Variants in GLIS3 observed in about 807,000 individuals in gnomAD.
GLIS3 encodes GLIS family zinc finger 3, also known as zinc finger protein GLIS3.
A neutral mutation model predicts 78.6 loss-of-function variants in GLIS3; 53 were observed. The ratio of observed to expected loss-of-function variants is 0.67; its 90% CI spans 0.54 to 0.85. The LOEUF (loss-of-function observed/expected upper bound fraction) is 0.85, where lower values mean the gene tolerates loss of function less well. Among genes scored for constraint, GLIS3 ranks in the 40% least tolerant of loss-of-function variants. The probability of loss-of-function intolerance (pLI) is 0.00; values close to 1 mark genes in which losing one functional copy is unlikely to be tolerated. For missense variants in GLIS3, 1,703 were observed against 1,231.1 expected (o/e 1.38, Z -5.74); for synonymous variants, 684 against 509.9 (o/e 1.34, Z -4.60).
chr9:4,122,900 A>G (rs1033832843), intron 3 of GLIS3, among the ~76,000 whole-genome samples: 3 of 152,110 alleles, frequency 2.0e-5, no homozygotes, highest in Non-Finnish European at 4.4e-5. Context: ...ATCGAGAATG[A>G]CTCCTGGATC....
At chr9:4,371,301 T>G in the GLIS3 span, among the ~76,000 whole-genome samples, 13 of 152,148 alleles carry the variant, frequency 8.5e-5, no homozygotes, top group East Asian at 2.5e-3. Context: ...TGTAGGGAAA[T>G]AGGCATGGCT....
intron 4 of GLIS3, among the ~76,000 whole-genome samples, chr9:4,100,415 G>C (rs954328264): frequency 5.9e-5 from 9 of 152,140 alleles, no homozygotes; most frequent in Non-Finnish European, 5.9e-5. Context: ...TAGGATAAAA[G>C]ACACCTGGAT....
chr9:4,385,844 G>A, the GLIS3 span, among the ~76,000 whole-genome samples: 3 of 151,678 alleles, frequency 2.0e-5, 1 homozygote, highest in Admixed American at 6.6e-5. Context: ...AAAAAATGCC[G>A]TTCTTTTTCC....
chr9:4,110,926 T>C (rs1439637916), intron 4 of GLIS3, among the ~76,000 whole-genome samples: 1 of 152,222 alleles, frequency 6.6e-6, no homozygotes, highest in Non-Finnish European at 1.5e-5. Flanking sequence ...TCTTTCACTC[T>C]ACACATTCAA....
At chr9:4,266,788 A>G (rs754362725) in intron 2 of GLIS3, among the ~76,000 whole-genome samples, 2 of 152,240 alleles carry the variant, frequency 1.3e-5, no homozygotes, top group Non-Finnish European at 2.9e-5. Context: ...CAAACTATGC[A>G]TCTGCATTCA....
chr9:4,398,243 A>G, the GLIS3 span, among the ~76,000 whole-genome samples: 1 of 152,000 alleles, frequency 6.6e-6, no homozygotes, highest in Non-Finnish European at 1.5e-5. Flanking sequence ...ATTACACAAT[A>G]AGAAGTAGCA....
In GLIS3 at chr9:3,935,503, C is replaced by A. The variant is rs560537717; in HGVS notation, c.1872+1525G>T. On this transcript the variant is annotated intron_variant, in intron 5 of 10. Coordinates refer to ENST00000381971, the MANE Select transcript of GLIS3 (RefSeq NM_001042413.2). ...TAGCTTGATTAGCTAAAATTAGCTC[C>A]AAGCAAAGGAGGGCAGTGCGAAACC... Among the ~76,000 whole-genome samples, 3 of 152,168 alleles carry A rather than the reference C, an allele frequency of 2.0e-5. No homozygotes were observed. The East Asian group carries it at 5.8e-4, about 29-fold the overall frequency.
At chr9:4,479,002 C>G in the GLIS3 span, among the ~76,000 whole-genome samples, 1 of 152,144 alleles carries the variant, frequency 6.6e-6, no homozygotes, top group Non-Finnish European at 1.5e-5. Context: ...AGGAATTAGC[C>G]AAATCCAGAA....
At chr9:4,218,500 G>C (rs1286926729) in intron 2 of GLIS3, among the ~76,000 whole-genome samples, 1 of 152,142 alleles carries the variant, frequency 6.6e-6, no homozygotes, top group East Asian at 1.9e-4. Flanking sequence ...GGATGGTCTT[G>C]ATCTCTTGAC....
At chr9:4,086,153 T>G (rs1284756811) in intron 4 of GLIS3, among the ~76,000 whole-genome samples, 1 of 152,208 alleles carries the variant, frequency 6.6e-6, no homozygotes, top group Non-Finnish European at 1.5e-5. Context: ...GCACATACCC[T>G]ACTCAGACAT....
At chr9:4,358,892 CT>C in the GLIS3 span, among the ~76,000 whole-genome samples, 1 of 152,178 alleles carries the variant, frequency 6.6e-6, no homozygotes, top group Non-Finnish European at 1.5e-5. Context: ...GCTACCACTG[CT>C]GCTGCCTCCA....
intron 9 of GLIS3, among the ~76,000 whole-genome samples, chr9:3,843,164 T>C (rs1818824167): frequency 6.6e-6 from 1 of 152,212 alleles, no homozygotes; most frequent in African/African-American, 2.4e-5. Context: ...GTTGTCCAGC[T>C]GTAACCAAAC....
chr9:3,859,418 C>G (rs938572545), intron 8 of GLIS3, among the ~76,000 whole-genome samples: 37 of 150,842 alleles, frequency 2.5e-4, no homozygotes, highest in Non-Finnish European at 5.3e-4. Context: ...TGAATATGTT[C>G]TGAATATTCT....
At chr9:4,445,632 T>TCTAAAAATAAAA in the GLIS3 span, among the ~76,000 whole-genome samples, 1 of 152,080 alleles carries the variant, frequency 6.6e-6, no homozygotes, top group Non-Finnish European at 1.5e-5. Context: ...AGACTCTAAC[T>TCTAAAAATAAAA]CTAAAAATAA....
intron 2 of GLIS3, among the ~76,000 whole-genome samples, chr9:4,318,053 G>C (rs1817466810): frequency 6.6e-6 from 1 of 152,170 alleles, no homozygotes; most frequent in Non-Finnish European, 1.5e-5. Flanking sequence ...TAGAAACTGA[G>C]GAATGTCAAA....
chr9:4,131,351 G>T (rs953315498), intron 2 of GLIS3, among the ~76,000 whole-genome samples: 28 of 152,240 alleles, frequency 1.8e-4, no homozygotes, highest in African/African-American at 6.0e-4. Flanking sequence ...TTTGGGAGGG[G>T]TCAGGGTGAT....
the GLIS3 span, among the ~76,000 whole-genome samples, chr9:4,409,109 T>C: frequency 6.6e-6 from 1 of 152,352 alleles, no homozygotes; most frequent in East Asian, 1.9e-4. Context: ...CAGTCTTGTA[T>C]GGGAAATGTT....
intron 9 of GLIS3, among the ~76,000 whole-genome samples, chr9:3,852,122 G>A (rs1232250152): frequency 2.0e-5 from 3 of 151,556 alleles, no homozygotes; most frequent in African/African-American, 7.3e-5. Context: ...TCCCGCCTGG[G>A]TGACATAGTG....
intron 2 of GLIS3, among the ~76,000 whole-genome samples, chr9:4,142,092 G>C (rs1011064624): frequency 1.3e-5 from 2 of 152,140 alleles, no homozygotes; most frequent in Admixed American, 6.5e-5. Context: ...GAACAGAGTA[G>C]GTGCTCACTT....
Sources: gnomAD v4.1 joint callset for allele counts (sites outside exome capture counted in the v4.1 genomes callset) on GRCh38, gnomAD v4.1.1 for gene constraint, MANE v1.5 for transcripts, NCBI Gene and HGNC (gene_info 2026-07-23, HGNC 2026-07-21) for gene names.